Variants in NCALD observed in about 807,000 individuals in gnomAD.
NCALD encodes the protein neurocalcin-delta.
NCALD carries 10 observed loss-of-function variants against 18.6 expected under a neutral mutation model. The observed-to-expected ratio is 0.54, with a 90% CI of 0.33 to 0.91. The LOEUF is 0.91. NCALD is among the 40% of genes least tolerant of loss of function. The pLI is 0.03. For synonymous variants in NCALD, 88 were observed against 87.4 expected (o/e 1.01, Z -0.04); for missense variants, 184 against 247.6 (o/e 0.74, Z 1.72).
chr8:102,101,944 A>C (rs995823598), intron 1 of NCALD, among the ~76,000 whole-genome samples: 4 of 152,198 alleles, frequency 2.6e-5, no homozygotes, highest in African/African-American at 9.6e-5. Flanking sequence ...ACTTCTAAAT[A>C]ATAAAGCATC....
chr8:101,868,945 C>A (rs1424973754), intron 4 of NCALD, among the ~76,000 whole-genome samples: 1 of 152,198 alleles, frequency 6.6e-6, no homozygotes, highest in African/African-American at 2.4e-5. Context: ...AGAACCTGGA[C>A]AAATTGCAGT....
chr8:101,927,548 G>A (rs1028001206), intron 2 of NCALD, among the ~76,000 whole-genome samples: 1 of 152,182 alleles, frequency 6.6e-6, no homozygotes, highest in African/African-American at 2.4e-5. Context: ...TCTAAGCAGA[G>A]GGAACAGCCC....
intron 4 of NCALD, among the ~76,000 whole-genome samples, chr8:101,859,991 A>G (rs889719314): frequency 3.7e-4 from 56 of 152,240 alleles, no homozygotes; most frequent in African/African-American, 1.3e-3. Flanking sequence ...CTAGAGATAC[A>G]TGATAGGTTA....
intron 4 of NCALD, among the ~76,000 whole-genome samples, chr8:101,844,111 T>C (rs1248451686): frequency 2.6e-5 from 4 of 152,158 alleles, no homozygotes; most frequent in Non-Finnish European, 4.4e-5. Context: ...TCCTGACCTT[T>C]TCCTGTGGCT....
chr8:101,777,560 C>A (rs955401063), intron 1 of NCALD, among the ~76,000 whole-genome samples: 4 of 152,102 alleles, frequency 2.6e-5, no homozygotes, highest in African/African-American at 9.7e-5. Context: ...ATCATATGGT[C>A]AATCAGGGTT....
intron 2 of NCALD, among the ~76,000 whole-genome samples, chr8:101,715,353 T>C (rs1816025355): frequency 6.6e-6 from 1 of 152,084 alleles, no homozygotes; most frequent in Admixed American, 6.5e-5. Flanking sequence ...GATTTAAACA[T>C]AAAACCTAAA....
chr8:101,739,996 C>T (rs1230623421), intron 1 of NCALD, among the ~76,000 whole-genome samples: 1 of 152,158 alleles, frequency 6.6e-6, no homozygotes, highest in African/African-American at 2.4e-5. Flanking sequence ...ACTGCTATAA[C>T]CCCAGTGCCT....
chr8:101,872,533 G>A, intron 4 of NCALD: 1 of 688,182 alleles, frequency 1.5e-6, no homozygotes, highest in Non-Finnish European at 2.7e-6. Context: ...CTCAGTGTCT[G>A]TGTTGGGGTC....
intron 1 of NCALD, among the ~76,000 whole-genome samples, chr8:101,725,695 C>A (rs770228688): frequency 6.6e-6 from 1 of 152,202 alleles, no homozygotes; most frequent in South Asian, 2.1e-4. Flanking sequence ...TTCTTGCCTG[C>A]ATGCTCCCCA....
chr8:102,014,857 A>C (rs979974228), intron 2 of NCALD, among the ~76,000 whole-genome samples: 2 of 152,180 alleles, frequency 1.3e-5, no homozygotes, highest in Non-Finnish European at 2.9e-5. Context: ...ATTCTAGTAC[A>C]CAAGAATTAC....
intron 2 of NCALD, among the ~76,000 whole-genome samples, chr8:101,979,327 TATC>T (rs1347718601): frequency 6.6e-6 from 1 of 152,194 alleles, no homozygotes; most frequent in Non-Finnish European, 1.5e-5. Flanking sequence ...AAGAATGACT[TATC>T]ATTCATTACA....
intron 1 of NCALD, among the ~76,000 whole-genome samples, chr8:102,109,822 A>G (rs1274639741): frequency 1.3e-5 from 2 of 152,222 alleles, no homozygotes; most frequent in African/African-American, 4.8e-5. Flanking sequence ...AAATATGCAC[A>G]ATATAGAAAA....
intron 4 of NCALD, among the ~76,000 whole-genome samples, chr8:101,861,286 T>A (rs1440494381): frequency 6.6e-6 from 1 of 152,028 alleles, no homozygotes; most frequent in South Asian, 2.1e-4. Flanking sequence ...GGGAGGAAAC[T>A]GAGAGATACC....
chr8:102,091,484 A>C (rs994078262), intron 1 of NCALD, among the ~76,000 whole-genome samples: 1 of 152,246 alleles, frequency 6.6e-6, no homozygotes, highest in African/African-American at 2.4e-5. Flanking sequence ...TAATGTAAAA[A>C]TCTGAATCAA....
intron 2 of NCALD, among the ~76,000 whole-genome samples, chr8:102,012,220 C>T (rs1209263514): frequency 6.6e-6 from 1 of 152,208 alleles, no homozygotes; most frequent in Non-Finnish European, 1.5e-5. Context: ...CTCATACCAG[C>T]TTGGCAGGAA....
At chr8:101,830,841 G>A (rs1814154628) in intron 4 of NCALD, among the ~76,000 whole-genome samples, 1 of 150,616 alleles carries the variant, frequency 6.6e-6, no homozygotes, top group Non-Finnish European at 1.5e-5. Context: ...CCCGGTTCAC[G>A]CAATTCTTGG....
rs190376209 is a variant in NCALD at position 101,929,869 on chromosome 8, A to C, written c.-156-14011T>G. Among the ~76,000 whole-genome samples, 317 of 152,166 alleles carry C rather than the reference A, an allele frequency of 2.1e-3. 2 individuals carry two copies. The highest frequency in any genetic ancestry group is 7.1e-3 in the African/African-American group (295 of 41,510). ...GAGACCAGCCTGACCAACATGGTAA[A>C]ACCCCATCTCTACTAAAAATACAAA... On this transcript the variant is annotated intron_variant, in intron 2 of 6. Transcript: ENST00000311028.
At chr8:101,920,662 G>A (rs1185887854) in intron 2 of NCALD, among the ~76,000 whole-genome samples, 1 of 152,160 alleles carries the variant, frequency 6.6e-6, no homozygotes, top group African/African-American at 2.4e-5. Context: ...TCACTTATAA[G>A]TGGGAGCTAA....
chr8:101,953,768 C>T lies in NCALD; in HGVS notation c.-156-37910G>A, dbSNP rs115793026. On this transcript the variant is annotated intron_variant, in intron 2 of 6. Transcript: ENST00000311028. The stretch of plus-strand genomic sequence containing the variant: ...TCTCTGTCATACAGAATTGTGACTG[C>T]GTCACCTTTTGTTGAATGAAGTAAA... Among the ~76,000 whole-genome samples the T allele has an allele frequency of 3.2e-3, 488 of 152,372 alleles. 5 individuals are homozygous for T. The highest frequency in any genetic ancestry group is 0.011 in the African/African-American group (470 of 41,584).
Sources: gnomAD v4.1 joint callset for allele counts (sites outside exome capture counted in the v4.1 genomes callset) on GRCh38, gnomAD v4.1.1 for gene constraint, MANE v1.5 for transcripts, NCBI Gene and HGNC (gene_info 2026-07-23, HGNC 2026-07-21) for gene names.